The following TUBGCP5 variants were observed in gnomAD, a reference collection of about 807,000 sequenced individuals.
The protein encoded by TUBGCP5 is tubulin gamma complex component 5.
In TUBGCP5, 98 loss-of-function variants were observed where a neutral mutation model predicts 134.7. That is an observed-to-expected ratio of 0.73 (90% CI 0.62 to 0.86). The LOEUF (loss-of-function observed/expected upper bound fraction) is 0.86, where lower values mean the gene tolerates loss of function less well. Among genes scored for constraint, TUBGCP5 ranks in the 40% least tolerant of loss-of-function variants. The probability of loss-of-function intolerance (pLI) is 0.00; values close to 1 mark genes in which losing one functional copy is unlikely to be tolerated. For synonymous variants in TUBGCP5, 456 were observed against 431.4 expected (o/e 1.06, Z -0.71); for missense variants, 1,150 against 1,244.8 (o/e 0.92, Z 1.15).
chr15:23,037,219 C>T (rs2066642448), intron 1 of TUBGCP5, 67 bp from the exon 2 acceptor site: 9 of 1,415,854 alleles, frequency 6.4e-6, no homozygotes, highest in Middle Eastern at 4.9e-4. Context: ...CATCTCATGG[C>T]CCTCCATATC....
intron 23 of TUBGCP5, among the ~76,000 whole-genome samples, chr15:22,993,152 T>C (rs2063904961): frequency 6.6e-6 from 1 of 151,962 alleles, no homozygotes; most frequent in African/African-American, 2.4e-5. Flanking sequence ...CAGGCTGGAG[T>C]GTAGCGGTGT....
chr15:23,015,069 C>T (rs2065237020), intron 13 of TUBGCP5, among the ~76,000 whole-genome samples: 1 of 152,076 alleles, frequency 6.6e-6, no homozygotes, highest in Non-Finnish European at 1.5e-5. Flanking sequence ...AAGCCCATCC[C>T]AGCAAAGCTG....
intron 19 of TUBGCP5, among the ~76,000 whole-genome samples, chr15:23,005,020 T>A (rs1448354221): frequency 1.3e-5 from 2 of 152,246 alleles, no homozygotes; most frequent in East Asian, 3.8e-4. Context: ...TAGTGAGTTC[T>A]TGTTTTTAAG....
At chr15:23,028,721 G>C (rs900850613) in intron 6 of TUBGCP5, among the ~76,000 whole-genome samples, 6 of 152,096 alleles carry the variant, frequency 3.9e-5, no homozygotes, top group Admixed American at 2.0e-4. Context: ...ACCCCCCTTA[G>C]GATGAGACCT....
chr15:23,032,821 C>T lies in TUBGCP5; in HGVS notation c.313G>A (p.Asp105Asn). ...AGTGACAGTATGGAATAATGTGCAT[C>T]TGTCTTTAAAACAAAAAAAAGAACA... ...PLPSIKEIKT[D>N]AHYSILSLLL... is the part of the protein sequence containing the mutation. The change falls in exon 4 of 23, where the codon GAT becomes AAT. Residue 105 changes from aspartate to asparagine, a missense_variant. Around this residue, in one of 2 missense-constraint regions of TUBGCP5, gnomAD observed 453 missense variants for 394.7 expected, o/e 1.15. Transcript: ENST00000615383. 6.4e-7 allele frequency: 1 copy of T among 1,562,090 alleles called. No individual in the cohort carries two copies. The highest frequency in any genetic ancestry group is 1.2e-5 in the South Asian group (1 of 81,604).
intron 13 of TUBGCP5, among the ~76,000 whole-genome samples, chr15:23,016,967 G>GATATAT (rs1432048816): frequency 1.6e-5 from 1 of 60,846 alleles, no homozygotes; most frequent in Non-Finnish European, 3.2e-5. Context: ...AAAAAATTGT[G>GATATAT]AGATATATAT....
chr15:23,031,326 T>C (rs993032603), intron 5 of TUBGCP5, among the ~76,000 whole-genome samples: 4 of 152,090 alleles, frequency 2.6e-5, no homozygotes, highest in Admixed American at 6.6e-5. Context: ...CTTCTTTTTT[T>C]TTTTTTGAGA....
chr15:23,011,461 A>T, intron 13 of TUBGCP5, 130 bp from the exon 14 acceptor site: 1 of 258,898 alleles, frequency 3.9e-6, no homozygotes, highest in Non-Finnish European at 7.1e-6. Context: ...ATAAATATTA[A>T]ATATATGTAA....
chr15:23,000,629 A>G lies in TUBGCP5; in HGVS notation c.2968T>C (p.Cys990Arg). 6.2e-7 allele frequency: 1 copy of G among 1,607,914 alleles called. No individual in the cohort carries two copies. Among genetic ancestry groups the G allele is most frequent in the Non-Finnish European group, 8.5e-7 (1 of 1,175,828 alleles). Reference sequence around the variant, plus strand: ...AAAATGGTTACAAGAAACATATGGCAGTTTTTAAAATCAGATTCCATTTTC... The same window carrying G: ...AAAATGGTTACAAGAAACATATGGCGGTTTTTAAAATCAGATTCCATTTTC... ...IEKMESDFKN[C>R]HMFLVTILNK... Residue 990 changes from cysteine (C) to arginine (R), a missense_variant, in exon 22 of 23, where the codon TGC (cysteine) becomes CGC (arginine). Around this residue, in one of 2 missense-constraint regions of TUBGCP5, gnomAD observed 697 missense variants for 850.1 expected, o/e 0.82. Coordinates refer to ENST00000615383, the MANE Select transcript of TUBGCP5 (RefSeq NM_052903.6).
In TUBGCP5 at chr15:22,999,805, T is replaced by C; in HGVS notation, c.*15A>G. The C allele has an allele frequency of 6.2e-7, 1 of 1,612,318 alleles. No individual in the cohort carries two copies. Among genetic ancestry groups the C allele is most frequent in the South Asian group, 1.1e-5 (1 of 91,066 alleles). ...ATGATGACAAAGTCGGAGATATTTA[T>C]TACGCTGAAGACATTTAACTTTGTT... On this transcript the variant is annotated 3_prime_UTR_variant, in exon 23 of 23. Transcript: ENST00000615383.
downstream of TUBGCP5, among the ~76,000 whole-genome samples, chr15:22,995,823 C>G (rs746086184): frequency 1.1e-4 from 17 of 152,066 alleles, no homozygotes; most frequent in Non-Finnish European, 1.8e-4. Flanking sequence ...ACCACTGTTG[C>G]AATTTCTATC....
At chr15:22,996,069 T>C (rs2064062801), downstream of TUBGCP5, among the ~76,000 whole-genome samples, 1 of 152,232 alleles carries the variant, frequency 6.6e-6, no homozygotes, top group South Asian at 2.1e-4. Context: ...TTATGAATAT[T>C]CAGATACAAA....
intron 3 of TUBGCP5, among the ~76,000 whole-genome samples, chr15:23,033,939 T>G (rs1416800955): frequency 6.6e-6 from 1 of 152,134 alleles, no homozygotes; most frequent in Non-Finnish European, 1.5e-5. Context: ...TAAATTGGGA[T>G]ATTAGCTGTG....
chr15:23,007,262 C>T (rs995651816), intron 16 of TUBGCP5, among the ~76,000 whole-genome samples: 8 of 152,158 alleles, frequency 5.3e-5, no homozygotes, highest in Middle Eastern at 3.4e-3. Flanking sequence ...ATTAGCTGGG[C>T]GCCTGTAGTC....
At position 23,032,732 on chromosome 15, in the gene TUBGCP5, T is replaced by C. The variant is rs1298283896; in HGVS notation, c.402A>G (p.Glu134=). 2 of 1,574,686 alleles carry C rather than the reference T, an allele frequency of 1.3e-6. No individual in the cohort carries two copies. Among genetic ancestry groups the C allele is most frequent in the Non-Finnish European group, 8.6e-7 (1 of 1,164,288 alleles). ...SSYVETPRNK[E]VEKKDDFDWG... ...TTAAGGAATCTAGTAACATACCCAC[T>C]TCTTTATTTCTTGGTGTCTCCACAT... is the stretch of plus-strand genomic sequence containing the variant. The change falls in exon 4 of 23, where the codon GAA becomes GAG. Residue 134 remains glutamate, a synonymous_variant. Transcript: ENST00000615383.
intron 11 of TUBGCP5, among the ~76,000 whole-genome samples, chr15:23,020,861 C>G (rs929735401): frequency 2.6e-5 from 4 of 152,156 alleles, no homozygotes; most frequent in Admixed American, 6.5e-5. Flanking sequence ...GCCTTAGCCT[C>G]TCGAGTACCT....
chr15:23,008,943 TCAA>T lies in TUBGCP5; in HGVS notation c.2145-65_2145-63del, dbSNP rs912963344. 6.4e-6 allele frequency: 9 copies of T among 1,404,488 alleles called. No individual in the cohort carries two copies. The African/African-American group carries it at 1.0e-4, about 16-fold the overall frequency. The allele number at this position is 1,404,488 out of a possible 1,614,324, so 87.0% of individuals were successfully genotyped here. A position where few individuals can be genotyped will look rare whatever the true frequency, so the allele number is the denominator to read the frequency against. ...GGCATTCGTAAGGCAGGATTCTGGATCAACAACAGGTTTTGTAACCTGTTTTTA... is the reference window on the plus strand; with the variant it reads ...GGCATTCGTAAGGCAGGATTCTGGATCAACAGGTTTTGTAACCTGTTTTTA... On this transcript the variant is annotated intron_variant, in intron 15 of 22. Coordinates refer to ENST00000615383, the MANE Select transcript of TUBGCP5 (RefSeq NM_052903.6).
intron 6 of TUBGCP5, 85 bp from the exon 7 acceptor site, chr15:23,027,391 G>A (rs1325227569): frequency 5.5e-6 from 6 of 1,085,208 alleles, no homozygotes; most frequent in Middle Eastern, 2.0e-4. Context: ...CCATTCAAAC[G>A]TATAGTTGAA....
chr15:23,032,787 C>T lies in TUBGCP5; in HGVS notation c.347G>A (p.Cys116Tyr). ...AHYSILSLLLCLSDSPSNSSY... is the reference protein window; with the variant it reads ...AHYSILSLLLYLSDSPSNSSY... ...GCTGTTTGAAGGAGAGTCTGACAGA[C>T]ACAGAAGAAGTGACAGTATGGAATA... Residue 116 changes from cysteine to tyrosine, a missense_variant, in exon 4 of 23, where the codon TGT becomes TAT. Cys to Tyr is a radical substitution (Grantham distance 194). Coordinates refer to ENST00000615383, the MANE Select transcript of TUBGCP5 (RefSeq NM_052903.6). 6.3e-7 allele frequency: 1 copy of T among 1,593,528 alleles called. No individual in the cohort carries two copies. The highest frequency in any genetic ancestry group is 1.8e-5 in the Admixed American group (1 of 55,272).
Sources: gnomAD v4.1 joint callset for allele counts (sites outside exome capture counted in the v4.1 genomes callset) on GRCh38, gnomAD v4.1.1 for gene constraint, gnomAD v4.1.1 regional missense constraint, MANE v1.5 for transcripts, NCBI Gene and HGNC (gene_info 2026-07-23, HGNC 2026-07-21) for gene names.